The following TECTA variants were observed in gnomAD, a reference collection of about 807,000 sequenced individuals.
TECTA encodes the protein tectorin alpha.
Under a neutral mutation model 216.8 loss-of-function variants are expected in TECTA, and 128 were observed. That is an observed-to-expected ratio of 0.59 (90% confidence interval 0.51 to 0.68). The LOEUF (loss-of-function observed/expected upper bound fraction) is 0.68. Among genes scored for constraint, TECTA ranks in the 30% least tolerant of loss-of-function variants. The pLI is 0.00. For missense variants in TECTA, 2,551 were observed against 2,786.2 expected, an observed-to-expected ratio of 0.92 and a Z score of 1.90; for synonymous variants, 1,089 against 1,117.1, an observed-to-expected ratio of 0.97 and a Z score of 0.50.
chr11:121,102,839 G>A, intron 2 of TECTA, 110 bp downstream of exon 2: 1 of 886,404 alleles, frequency 1.1e-6, no homozygotes, highest in Admixed American at 2.0e-5. Flanking sequence ...TGTGTCTACA[G>A]ATACAAGAGA....
At chr11:121,186,397 C>A (rs1019315416) in intron 20 of TECTA, among the ~76,000 whole-genome samples, 2 of 152,200 alleles carry the variant, frequency 1.3e-5, no homozygotes, top group Non-Finnish European at 2.9e-5. Context: ...TAGTGCTTGG[C>A]GTCTGTGCTC....
chr11:121,142,379 C>T (rs1946792607), intron 11 of TECTA, among the ~76,000 whole-genome samples: 1 of 152,108 alleles, frequency 6.6e-6, no homozygotes, highest in South Asian at 2.1e-4. Flanking sequence ...TTCTCACTCA[C>T]AGAGAGAGAG....
chr11:121,113,971 C>G lies in TECTA; in HGVS notation c.790+253C>G, dbSNP rs117069611. ...ACACAGTTATCCGTTCTGAACAACT[C>G]CGAAATGGACCAAGATCTTGAGTGA... On this transcript the variant is annotated intron_variant, in intron 6 of 23. Coordinates refer to ENST00000392793, the MANE Select transcript of TECTA (RefSeq NM_005422.4). The surrounding 1 kb of genome is among the most constrained non-coding windows in gnomAD (Gnocchi z 4.2). Among the ~76,000 whole-genome samples, 201 of 152,296 alleles carry G rather than the reference C, an allele frequency of 1.3e-3. No individual in the cohort carries two copies. The highest frequency in any genetic ancestry group is 2.2e-3 in the Non-Finnish European group (148 of 68,030).
At chr11:121,176,349 T>G (rs1377297603) in intron 20 of TECTA, among the ~76,000 whole-genome samples, 5 of 149,448 alleles carry the variant, frequency 3.3e-5, no homozygotes, top group Admixed American at 1.3e-4. Context: ...CCATGTTTAG[T>G]GCTTCCTTCA....
chr11:121,103,708 T>TTA (rs756840487), intron 2 of TECTA, among the ~76,000 whole-genome samples: 24 of 151,792 alleles, frequency 1.6e-4, no homozygotes, highest in African/African-American at 3.4e-4. Context: ...GCTAACAGTT[T>TTA]TATATATATA....
At chr11:121,159,634 A>G (rs1223813337) in intron 14 of TECTA, among the ~76,000 whole-genome samples, 2 of 152,220 alleles carry the variant, frequency 1.3e-5, no homozygotes, top group African/African-American at 4.8e-5. Context: ...CATTATAAGC[A>G]AGAAAACGAT....
At chr11:121,153,164 T>G in intron 13 of TECTA, 84 bp downstream of exon 13, 7 of 1,481,026 alleles carry the variant, frequency 4.7e-6, no homozygotes, top group Non-Finnish European at 5.5e-6. Flanking sequence ...GATTGACCAA[T>G]TTTCCCACTT....
intron 10 of TECTA, among the ~76,000 whole-genome samples, chr11:121,133,961 T>A (rs985141489): frequency 3.3e-5 from 5 of 152,208 alleles, no homozygotes; most frequent in Non-Finnish European, 1.5e-5. Context: ...AATCTGGACA[T>A]GGATGCCTGT....
chr11:121,118,121 T>C lies in TECTA; in HGVS notation c.791-185T>C, dbSNP rs139312355. Among the ~76,000 whole-genome samples the C allele has an allele frequency of 3.5e-3, 539 of 152,318 alleles. 2 individuals carry two copies. The highest frequency in any genetic ancestry group is 0.012 in the African/African-American group (510 of 41,562). On this transcript the variant is annotated intron_variant, in intron 6 of 23. Transcript: ENST00000392793. ...TTACCACGGAGCTGCTGAGTGATCCTGGATGAATTACTTCACTTCTCTTAA... is the reference window on the plus strand; with the variant it reads ...TTACCACGGAGCTGCTGAGTGATCCCGGATGAATTACTTCACTTCTCTTAA...
chr11:121,131,046 C>G (rs1321539789), intron 10 of TECTA, among the ~76,000 whole-genome samples: 2 of 151,678 alleles, frequency 1.3e-5, no homozygotes, highest in Non-Finnish European at 2.9e-5. Flanking sequence ...AACCCTGTCT[C>G]TACTAAAAAT....
intron 10 of TECTA, among the ~76,000 whole-genome samples, chr11:121,136,207 C>T (rs561603529): frequency 1.3e-5 from 2 of 152,114 alleles, no homozygotes; most frequent in African/African-American, 2.4e-5. Context: ...GTGATCCACC[C>T]GCCTCAGCCT....
intron 10 of TECTA, among the ~76,000 whole-genome samples, chr11:121,132,111 T>C (rs996298158): frequency 3.9e-5 from 6 of 152,254 alleles, no homozygotes; most frequent in African/African-American, 7.2e-5. Context: ...GATTTTTGTC[T>C]GAATCATTTA....
chr11:121,179,879 T>A (rs1168514065), intron 20 of TECTA, among the ~76,000 whole-genome samples: 1 of 152,134 alleles, frequency 6.6e-6, no homozygotes, highest in African/African-American at 2.4e-5. Context: ...AATTATCTTT[T>A]TCCATCCCAT....
At chr11:121,173,885 CT>C (rs1261597280) in intron 20 of TECTA, among the ~76,000 whole-genome samples, 1 of 152,016 alleles carries the variant, frequency 6.6e-6, no homozygotes, top group African/African-American at 2.4e-5. Context: ...GTTTGTAGTT[CT>C]CCTTGAAGAG....
At chr11:121,165,156 C>A in intron 16 of TECTA, 117 bp from the exon 17 acceptor site, 3 of 961,824 alleles carry the variant, frequency 3.1e-6, no homozygotes, top group Non-Finnish European at 3.3e-6. Flanking sequence ...TAACTGGCAG[C>A]TGCCATCTGA....
Position 121,168,095 on chromosome 11 carries a change from C to G in TECTA, c.5628C>G (p.Ile1876Met). ...THIMYKNTLWIESANNTGNII... is the reference protein window; with the variant it reads ...THIMYKNTLWMESANNTGNII... ...TCATGTATAAAAACACACTCTGGATCGAAAGCGCCAACAACACTGGCAACA... is the reference window on the plus strand; with the variant it reads ...TCATGTATAAAAACACACTCTGGATGGAAAGCGCCAACAACACTGGCAACA... The change falls in exon 19 of 24, where the codon ATC becomes ATG. Residue 1876 changes from isoleucine to methionine, a missense_variant. Transcript: ENST00000392793. 6.2e-7 allele frequency: 1 copy of G among 1,614,146 alleles called. No individual in the cohort carries two copies. Among genetic ancestry groups the G allele is most frequent in the Non-Finnish European group, 8.5e-7 (1 of 1,180,014 alleles).
chr11:121,109,188 CA>C, intron 3 of TECTA, 22 bp from the exon 4 acceptor site: 1 of 1,613,798 alleles, frequency 6.2e-7, no homozygotes, highest in Non-Finnish European at 8.5e-7. Flanking sequence ...ATCCACTGTG[CA>C]AAACCTCTCT....
At chr11:121,133,689 C>T (rs1170025645) in intron 10 of TECTA, among the ~76,000 whole-genome samples, 1 of 152,212 alleles carries the variant, frequency 6.6e-6, no homozygotes, top group Non-Finnish European at 1.5e-5. Context: ...TTCAGCTGTG[C>T]ATCTCCACTC....
chr11:121,123,083 G>T (rs937077432), intron 7 of TECTA, among the ~76,000 whole-genome samples: 6 of 152,202 alleles, frequency 3.9e-5, no homozygotes, highest in African/African-American at 1.4e-4. Flanking sequence ...TCAGAAAGTA[G>T]CAACAATGAT....
Sources: gnomAD v4.1 joint callset for allele counts (sites outside exome capture counted in the v4.1 genomes callset) on GRCh38, gnomAD v4.1.1 for gene constraint, Gnocchi (gnomAD v3.1) non-coding constraint, MANE v1.5 for transcripts, NCBI Gene and HGNC (gene_info 2026-07-23, HGNC 2026-07-21) for gene names.